KDM4C: variants seen among roughly 807,000 people sequenced by gnomAD.
KDM4C encodes the protein lysine-specific demethylase 4C.
In KDM4C, 81 loss-of-function variants were observed where a neutral mutation model predicts 129.3. The ratio of observed to expected loss-of-function variants is 0.63; its 90% CI spans 0.52 to 0.75. The LOEUF (loss-of-function observed/expected upper bound fraction) is 0.75, where lower values mean the gene tolerates loss of function less well. KDM4C is among the 30% of genes least tolerant of loss of function. The probability of loss-of-function intolerance (pLI) is 0.00; values close to 1 mark genes in which losing one functional copy is unlikely to be tolerated. For synonymous variants in KDM4C, 573 were observed against 456.1 expected (o/e 1.26, Z -3.26); for missense variants, 1,457 against 1,304.0 (o/e 1.12, Z -1.81).
At chr9:6,879,631 C>T (rs1013094154) in intron 5 of KDM4C, among the ~76,000 whole-genome samples, 16 of 152,010 alleles carry the variant, frequency 1.1e-4, no homozygotes, top group Non-Finnish European at 1.5e-4. Flanking sequence ...ATCAACCAAC[C>T]ACAAAACGAA....
chr9:7,050,447 A>AAAAAAAAAAAAAAAAAAAAAAAAAAAAAC (rs1829997564), intron 17 of KDM4C, among the ~76,000 whole-genome samples: 1 of 134,064 alleles, frequency 7.5e-6, no homozygotes, highest in Non-Finnish European at 1.6e-5. Flanking sequence ...ATTACCAAAA[A>AAAAAAAAAAAAAAAAAAAAAAAAAAAAAC]AAAAAAAAGA....
intron 17 of KDM4C, among the ~76,000 whole-genome samples, chr9:7,096,666 C>T (rs1371282527): frequency 2.0e-5 from 3 of 152,230 alleles, no homozygotes; most frequent in Admixed American, 2.0e-4. Context: ...TGACAGGTGC[C>T]TTTAATAAAA....
chr9:7,103,574 T>G, intron 17 of KDM4C, 111 bp from the exon 18 acceptor site: 1 of 837,326 alleles, frequency 1.2e-6, no homozygotes, highest in Non-Finnish European at 1.9e-6. Context: ...GTTGATGTAA[T>G]CAGTTGTTTT....
intron 1 of KDM4C, among the ~76,000 whole-genome samples, chr9:6,736,123 G>C (rs1287381180): frequency 6.6e-6 from 1 of 152,164 alleles, no homozygotes; most frequent in Non-Finnish European, 1.5e-5. Context: ...TCTGGTGGAA[G>C]AAATTTCCTA....
intron 12 of KDM4C, among the ~76,000 whole-genome samples, chr9:7,007,076 C>G (rs1260797884): frequency 6.6e-6 from 1 of 152,238 alleles, no homozygotes; most frequent in African/African-American, 2.4e-5. Flanking sequence ...TTCCCCATTT[C>G]CACCTCACAG....
intron 4 of KDM4C, among the ~76,000 whole-genome samples, chr9:6,836,216 C>T (rs962576307): frequency 1.3e-5 from 2 of 152,056 alleles, no homozygotes; most frequent in Non-Finnish European, 2.9e-5. Flanking sequence ...CTTTGGGAGG[C>T]TGAGGCGGGC....
intron 8 of KDM4C, among the ~76,000 whole-genome samples, chr9:6,952,336 G>A (rs562512579): frequency 2.0e-4 from 30 of 151,610 alleles, no homozygotes; most frequent in Non-Finnish European, 4.0e-4. Flanking sequence ...TATAGGAAAA[G>A]AGTATGAAAC....
intron 3 of KDM4C, among the ~76,000 whole-genome samples, chr9:6,810,225 C>T (rs888428449): frequency 1.6e-4 from 24 of 152,132 alleles, no homozygotes; most frequent in African/African-American, 5.3e-4. Flanking sequence ...ATACATATCT[C>T]TGTTAAATTA....
intron 1 of KDM4C, among the ~76,000 whole-genome samples, chr9:6,742,710 C>T (rs1265544278): frequency 6.7e-6 from 1 of 149,662 alleles, no homozygotes; most frequent in African/African-American, 2.5e-5. Context: ...GAGTCTCACT[C>T]AATTGAGTAG....
chr9:7,024,755 C>A (rs1487013626), intron 15 of KDM4C, among the ~76,000 whole-genome samples: 1 of 152,146 alleles, frequency 6.6e-6, no homozygotes, highest in Non-Finnish European at 1.5e-5. Context: ...TGGGTTGATT[C>A]CAAGTCTTTG....
chr9:6,807,306 C>G (rs984666943), intron 3 of KDM4C, among the ~76,000 whole-genome samples: 4 of 151,126 alleles, frequency 2.6e-5, no homozygotes, highest in Non-Finnish European at 5.9e-5. Flanking sequence ...GCCGCCAACC[C>G]GTCTGGGAAG....
chr9:7,063,661 A>G (rs1426529124), intron 17 of KDM4C, among the ~76,000 whole-genome samples: 12 of 152,210 alleles, frequency 7.9e-5, no homozygotes, highest in African/African-American at 2.7e-4. Context: ...GAAAAGTTTT[A>G]TTATTGTAAA....
chr9:7,157,166 G>A (rs1029291082), intron 19 of KDM4C, among the ~76,000 whole-genome samples: 1 of 152,108 alleles, frequency 6.6e-6, no homozygotes, highest in Non-Finnish European at 1.5e-5. Flanking sequence ...TCTGTTCTTG[G>A]TGTATAGGAA....
chr9:7,109,635 G>C (rs943286310), intron 18 of KDM4C, among the ~76,000 whole-genome samples: 1 of 152,140 alleles, frequency 6.6e-6, no homozygotes. Flanking sequence ...GTAGGACTTC[G>C]CTTAGCTTAC....
Position 6,773,039 on chromosome 9 carries a change from A to G in KDM4C, c.-18+14836A>G, listed in dbSNP as rs556065336. Among the ~76,000 whole-genome samples the G allele has an allele frequency of 6.8e-4, 103 of 150,854 alleles. 2 individuals carry two copies. Among genetic ancestry groups the G allele is most frequent in the South Asian group, 1.0e-3 (5 of 4,792 alleles). ...TTTTTTGACAAGGTCTCACTCTGTC[A>G]CTCAGGCTAGAGTGGAGTGGTGAGA... On this transcript the variant is annotated intron_variant, in intron 1 of 21. Coordinates refer to ENST00000381309, the MANE Select transcript of KDM4C (RefSeq NM_015061.6).
In KDM4C at chr9:6,758,219, G is replaced by A; in HGVS notation, c.-18+16G>A. 4 of 985,384 alleles carry A rather than the reference G, an allele frequency of 4.1e-6. No homozygotes were observed. The South Asian group carries it at 1.4e-4, about 35-fold the overall frequency. 61.0% of individuals were successfully genotyped at this position (985,384 alleles called of 1,614,324 possible). A position where few individuals can be genotyped will look rare whatever the true frequency, so the allele number is the denominator to read the frequency against. Reference sequence around the variant, plus strand: ...CGCGCGCCAGGTAACCGCTTTTCCGGAGTCTGGGGGCCAGGGCGGGGGGAG... The same window carrying A: ...CGCGCGCCAGGTAACCGCTTTTCCGAAGTCTGGGGGCCAGGGCGGGGGGAG... On this transcript the variant is annotated intron_variant, in intron 1 of 21. Coordinates refer to ENST00000381309, the MANE Select transcript of KDM4C (RefSeq NM_015061.6). This position sits in a 1 kb window ranked among gnomAD's most constrained non-coding sequence, Gnocchi z 4.6.
chr9:7,108,289 C>T (rs1034186014), intron 18 of KDM4C, among the ~76,000 whole-genome samples: 6 of 151,832 alleles, frequency 4.0e-5, no homozygotes, highest in South Asian at 2.1e-4. Flanking sequence ...CAGGCTGGAG[C>T]GCAGTGGCAT....
At chr9:7,062,172 G>T (rs949253567) in intron 17 of KDM4C, among the ~76,000 whole-genome samples, 1 of 152,284 alleles carries the variant, frequency 6.6e-6, no homozygotes, top group South Asian at 2.1e-4. Context: ...GTGTCACCGT[G>T]TTAGCCAGGA....
chr9:7,148,047 C>G (rs1842378182), intron 19 of KDM4C, among the ~76,000 whole-genome samples: 1 of 152,260 alleles, frequency 6.6e-6, no homozygotes, highest in South Asian at 2.1e-4. Flanking sequence ...CCACTGCACA[C>G]AGCAAGGCAT....
Sources: allele counts gnomAD v4.1 joint callset (sites outside exome capture counted in the v4.1 genomes callset), GRCh38; gene constraint gnomAD v4.1.1; non-coding constraint Gnocchi (gnomAD v3.1); transcripts MANE v1.5; gene names NCBI Gene and HGNC (gene_info 2026-07-23, HGNC 2026-07-21).